IL20RA: variants seen among roughly 807,000 people sequenced by gnomAD.
IL20RA encodes the protein interleukin-20 receptor subunit alpha.
IL20RA carries 29 observed loss-of-function variants against 36.5 expected under a neutral mutation model. The ratio of observed to expected loss-of-function variants is 0.79; its 90% CI spans 0.59 to 1.08. IL20RA has a LOEUF of 1.08. Among genes scored for constraint, IL20RA ranks in the 50% least tolerant of loss-of-function variants. IL20RA has a pLI of 0.00. For missense variants in IL20RA, 652 were observed against 668.4 expected (o/e 0.98, Z 0.27); for synonymous variants, 279 against 267.1 (o/e 1.04, Z -0.43).
chr6:137,009,833 T>C (rs9402864), intron 3 of IL20RA, among the ~76,000 whole-genome samples: 57,363 of 151,958 alleles, frequency 0.38, 13,164 homozygotes, highest in East Asian at 0.79. Context: ...CTCGAACTCC[T>C]GATCCTGTGA....
intron 1 of IL20RA, chr6:137,038,126 G>C (rs1010086985): frequency 6.6e-6 from 1 of 150,566 alleles, no homozygotes; most frequent in Non-Finnish European, 1.5e-5. Context: ...TACATCAAAA[G>C]GAATTCTGAA....
At chr6:137,021,720 G>T (rs1775913478) in intron 1 of IL20RA, among the ~76,000 whole-genome samples, 1 of 152,072 alleles carries the variant, frequency 6.6e-6, no homozygotes, top group Non-Finnish European at 1.5e-5. Context: ...AAGAGGCTCT[G>T]TTTTAATAAT....
chr6:137,043,009 T>A (rs1427941846), intron 1 of IL20RA: 1 of 152,162 alleles, frequency 6.6e-6, no homozygotes, highest in Non-Finnish European at 1.5e-5. Flanking sequence ...CAGAAAAGAT[T>A]TCTTACTGTT....
chr6:137,034,822 G>C (rs1023734980), intron 1 of IL20RA, among the ~76,000 whole-genome samples: 3 of 152,010 alleles, frequency 2.0e-5, no homozygotes, highest in Non-Finnish European at 4.4e-5. Flanking sequence ...GCGGGCGCCT[G>C]TAGTCCTAGC....
At chr6:137,014,175 G>A (rs1270177936) in intron 2 of IL20RA, among the ~76,000 whole-genome samples, 2 of 152,136 alleles carry the variant, frequency 1.3e-5, no homozygotes, top group Admixed American at 6.5e-5. Context: ...ACTGTGAGTC[G>A]CTGCTGAAGT....
intron 2 of IL20RA, 37 bp from the exon 3 acceptor site, chr6:137,011,489 C>G: frequency 1.4e-6 from 2 of 1,390,018 alleles, no homozygotes; most frequent in Non-Finnish European, 2.0e-6. Context: ...ATGAGGTGCC[C>G]TCTATACTTT....
rs1188809232 is a variant in IL20RA at position 137,030,070 on chromosome 6, G to GTTTTTTTTTTTTT, written c.89-12980_89-12968dup. ...GGTGGAAAATGTCAGCGGTTTGCGG[G>GTTTTTTTTTTTTT]TTTTTTTTTTTTTTTTTTTTTTTTT... On this transcript the variant is annotated intron_variant, in intron 1 of 6. Transcript: ENST00000316649. Among the ~76,000 whole-genome samples, 31 of 62,856 alleles carry GTTTTTTTTTTTTT rather than the reference G, an allele frequency of 4.9e-4. 9 individuals are homozygous for GTTTTTTTTTTTTT. The highest frequency in any genetic ancestry group is 1.6e-3 in the South Asian group (2 of 1,222). 41.2% of individuals were successfully genotyped at this position (62,856 alleles called of 152,430 possible). A position where few individuals can be genotyped will look rare whatever the true frequency, so the allele number is the denominator to read the frequency against.
intron 2 of IL20RA, among the ~76,000 whole-genome samples, chr6:137,012,044 T>C (rs966658648): frequency 2.0e-5 from 3 of 152,084 alleles, no homozygotes; most frequent in Non-Finnish European, 2.9e-5. Context: ...ACAACCCCCA[T>C]AGCAAATAGG....
At chr6:137,017,855 G>A (rs1300202624) in intron 1 of IL20RA, among the ~76,000 whole-genome samples, 1 of 152,084 alleles carries the variant, frequency 6.6e-6, no homozygotes, top group Admixed American at 6.6e-5. Flanking sequence ...TAGAGAAATG[G>A]TAAAGAATTG....
chr6:137,027,322 C>T (rs1293111640), intron 1 of IL20RA, among the ~76,000 whole-genome samples: 1 of 152,216 alleles, frequency 6.6e-6, no homozygotes, highest in Non-Finnish European at 1.5e-5. Context: ...ATTTTCTTCC[C>T]CTAACCACCA....
At chr6:137,006,303 C>T (rs1775275905) in intron 5 of IL20RA, among the ~76,000 whole-genome samples, 2 of 152,208 alleles carry the variant, frequency 1.3e-5, no homozygotes, top group Non-Finnish European at 1.5e-5. Flanking sequence ...CCAAGGAGCA[C>T]ATTCATCACC....
chr6:137,021,884 CA>C (rs1480145242), intron 1 of IL20RA, among the ~76,000 whole-genome samples: 2 of 152,174 alleles, frequency 1.3e-5, no homozygotes, highest in African/African-American at 4.8e-5. Flanking sequence ...CCAACTCATT[CA>C]GTTTCCATAA....
chr6:137,011,067 C>CT (rs1388034335), intron 3 of IL20RA, among the ~76,000 whole-genome samples: 1 of 151,978 alleles, frequency 6.6e-6, no homozygotes, highest in Admixed American at 6.6e-5. Context: ...GAGGCCCTGT[C>CT]TCTACAGTCA....
At chr6:137,038,688 A>G (rs1019739774) in intron 1 of IL20RA, among the ~76,000 whole-genome samples, 5 of 152,244 alleles carry the variant, frequency 3.3e-5, no homozygotes, top group African/African-American at 1.2e-4. Context: ...ATTTTACTCC[A>G]TAAAATATAT....
chr6:137,007,333 G>C (rs771949), intron 5 of IL20RA, among the ~76,000 whole-genome samples: 1 of 152,106 alleles, frequency 6.6e-6, no homozygotes, highest in Middle Eastern at 3.2e-3. Context: ...GCTTTTCACA[G>C]GTACTCACAA....
At chr6:137,018,750 T>C (rs1322398) in intron 1 of IL20RA, among the ~76,000 whole-genome samples, 124,762 of 152,140 alleles carry the variant, frequency 0.82, 56,548 homozygotes, top group East Asian at 1. Context: ...GAAGACAAAA[T>C]AGAACATGAG....
At chr6:137,039,063 T>C (rs1317669500) in intron 1 of IL20RA, among the ~76,000 whole-genome samples, 1 of 152,224 alleles carries the variant, frequency 6.6e-6, no homozygotes, top group Non-Finnish European at 1.5e-5. Flanking sequence ...AATATATATG[T>C]CCTACCTTAT....
chr6:137,035,742 C>T (rs1174094076), intron 1 of IL20RA, among the ~76,000 whole-genome samples: 2 of 152,174 alleles, frequency 1.3e-5, no homozygotes, highest in South Asian at 2.1e-4. Context: ...ATACCTCATT[C>T]CCTACATTAT....
At chr6:137,028,420 A>C (rs1376116575) in intron 1 of IL20RA, among the ~76,000 whole-genome samples, 2 of 151,372 alleles carry the variant, frequency 1.3e-5, no homozygotes, top group African/African-American at 4.9e-5. Context: ...CATCTAAAAA[A>C]AAAAAAAAAA....
Sources: allele counts gnomAD v4.1 joint callset (sites outside exome capture counted in the v4.1 genomes callset), GRCh38; gene constraint gnomAD v4.1.1; transcripts MANE v1.5; gene names NCBI Gene and HGNC (gene_info 2026-07-23, HGNC 2026-07-21).